The following PCSK7 variants were observed in gnomAD, a reference collection of about 807,000 sequenced individuals.
PCSK7 encodes the protein lymphoma proprotein convertase.
PCSK7 carries 38 observed loss-of-function variants against 73.3 expected under a neutral mutation model. That is an observed-to-expected ratio of 0.52 (90% CI 0.40 to 0.68). PCSK7 has a LOEUF of 0.68. Among genes scored for constraint, PCSK7 ranks in the 30% least tolerant of loss-of-function variants. The probability of loss-of-function intolerance (pLI) is 0.00; values close to 1 mark genes in which losing one functional copy is unlikely to be tolerated. For synonymous variants in PCSK7, 296 were observed against 383.8 expected, an observed-to-expected ratio of 0.77 and a Z score of 2.68; for missense variants, 692 against 991.5, an observed-to-expected ratio of 0.70 and a Z score of 4.06.
chr11:117,219,505 T>G (rs1254053370), intron 10 of PCSK7, 86 bp downstream of exon 10: 5 of 1,247,036 alleles, frequency 4.0e-6, no homozygotes. Context: ...ATCTAACATT[T>G]GGGACATTGA....
chr11:117,204,413 C>T lies in PCSK7; in HGVS notation c.*1584G>A, dbSNP rs1325266963. The T allele has an allele frequency of 6.2e-7, 1 of 1,612,524 alleles. No homozygotes were observed. Among genetic ancestry groups the T allele is most frequent in the Non-Finnish European group, 8.5e-7 (1 of 1,179,146 alleles). On this transcript the variant is annotated 3_prime_UTR_variant, in exon 17 of 17. Coordinates refer to ENST00000320934, the MANE Select transcript of PCSK7 (RefSeq NM_004716.4). ...CCTCCCCCAGCTCCTTGGCTGCAGCCATCCCGCTTAGCCTGCCTCACCCAC... is the reference window on the plus strand; with the variant it reads ...CCTCCCCCAGCTCCTTGGCTGCAGCTATCCCGCTTAGCCTGCCTCACCCAC...
rs1052524158 is a variant in PCSK7 at position 117,218,847 on chromosome 11, A to C, written c.1431+210T>G. Reference sequence around the variant, plus strand: ...CACATACTCAGGTCCCATTTACTCTATTAGTAGTTTGGAAACTTCAGTGAT... The same window carrying C: ...CACATACTCAGGTCCCATTTACTCTCTTAGTAGTTTGGAAACTTCAGTGAT... On this transcript the variant is annotated intron_variant, in intron 11 of 16. Coordinates refer to ENST00000320934, the MANE Select transcript of PCSK7 (RefSeq NM_004716.4). The surrounding 1 kb of genome is among the most constrained non-coding windows in gnomAD (Gnocchi z 4.0). 2 of 584,820 alleles carry C rather than the reference A, an allele frequency of 3.4e-6. No homozygotes were observed. The highest frequency in any genetic ancestry group is 5.6e-5 in the East Asian group (2 of 35,696). The allele number at this position is 584,820 out of a possible 1,614,324, so 36.2% of individuals were successfully genotyped here. A position where few individuals can be genotyped will look rare whatever the true frequency, so the allele number is the denominator to read the frequency against.
Position 117,227,214 on chromosome 11 carries a change from C to T in PCSK7, c.712G>A (p.Ala238Thr). The T allele has an allele frequency of 6.2e-7, 1 of 1,612,600 alleles. No homozygotes were observed. The highest frequency in any genetic ancestry group is 8.5e-7 in the Non-Finnish European group (1 of 1,179,468). Residue 238 changes from alanine (A) to threonine (T), a missense_variant, in exon 5 of 17, where the codon GCT (alanine) becomes ACT (threonine). Around this residue, in one of 6 missense-constraint regions of PCSK7, gnomAD observed 574 missense variants for 689.8 expected, o/e 0.83. Transcript: ENST00000320934. ...HGTRCAGEIA[A>T]VPNNSFCAVG... ...GCACAGAAGCTGTTGTTGGGCACAG[C>T]CGCGATCTCTCCTGCACATCGCGTG...
In PCSK7 at chr11:117,219,692, C is replaced by T; in HGVS notation, c.1222G>A (p.Ala408Thr). 6.2e-7 allele frequency: 1 copy of T among 1,611,798 alleles called. No individual in the cohort carries two copies. Among genetic ancestry groups the T allele is most frequent in the South Asian group, 1.1e-5 (1 of 90,822 alleles). The stretch of plus-strand genomic sequence containing the variant: ...ATCATGCCAGCTGCCAGAGGCGCTG[C>T]AGCTGAGGTCCCTGTGTGGCCCTCA... Reference protein sequence around the residue: ...CTEGHTGTSAAAPLAAGMIAL... With the variant: ...CTEGHTGTSATAPLAAGMIAL... The change falls in exon 10 of 17, where the codon GCA (alanine) becomes ACA (threonine). Residue 408 changes from alanine (A) to threonine (T), a missense_variant. Physicochemically the swap from Ala to Thr is moderately conservative, Grantham distance 58 (BLOSUM62 0). Coordinates refer to ENST00000320934, the MANE Select transcript of PCSK7 (RefSeq NM_004716.4).
At chr11:117,213,748 A>T (rs1422572880) in intron 12 of PCSK7, 1 of 152,190 alleles carries the variant, frequency 6.6e-6, no homozygotes, top group Non-Finnish European at 1.5e-5. Flanking sequence ...CTTGGGTGGC[A>T]GTGCAAATGA....
At chr11:117,230,952 T>C (rs1200178518) in intron 1 of PCSK7, among the ~76,000 whole-genome samples, 1 of 151,754 alleles carries the variant, frequency 6.6e-6, no homozygotes, top group African/African-American at 2.4e-5. Flanking sequence ...CAGCTACTCC[T>C]GTACTGAGCT....
chr11:117,214,156 A>C (rs2031861729), intron 12 of PCSK7: 1 of 151,556 alleles, frequency 6.6e-6, no homozygotes, highest in South Asian at 2.1e-4. Flanking sequence ...ACGGGGTTTC[A>C]CCATGTTGGC....
rs2032568097 is a variant in PCSK7, at chr11:117,229,687, C to T, written c.158G>A (p.Ser53Asn). The T allele has an allele frequency of 6.2e-6, 10 of 1,613,742 alleles. No homozygotes were observed. The East Asian group carries it at 2.2e-4, about 36-fold the overall frequency. ...GPDGQGTGGP[S>N]WAVHLESLEG... Reference sequence around the variant, plus strand: ...CAGGCTTTCCAGGTGCACAGCCCAGCTCGGCCCCCCTGTGCCCTGGCCATC... The same window carrying T: ...CAGGCTTTCCAGGTGCACAGCCCAGTTCGGCCCCCCTGTGCCCTGGCCATC... Residue 53 changes from serine to asparagine, a missense_variant, in exon 3 of 17, where the codon AGC (serine) becomes AAC (asparagine). Coordinates refer to ENST00000320934, the MANE Select transcript of PCSK7 (RefSeq NM_004716.4).
intron 12 of PCSK7, chr11:117,212,715 CTT>C (rs58988485): frequency 0.29 from 35,565 of 124,732 alleles, 5,216 homozygotes; most frequent in African/African-American, 0.45. Flanking sequence ...CCGGCCTTTT[CTT>C]TTTTTTTTTT....
chr11:117,215,150 A>T lies in PCSK7; in HGVS notation c.1534+3316T>A, dbSNP rs565962937. 3 of 152,196 alleles carry T rather than the reference A, an allele frequency of 2.0e-5. No homozygotes were observed. In the East Asian group the frequency reaches 5.8e-4, roughly 29 times the overall value. 9.4% of individuals were successfully genotyped at this position (152,196 alleles called of 1,614,324 possible). On this transcript the variant is annotated intron_variant, in intron 12 of 16. Transcript: ENST00000320934. ...TTAGCCACACATGGCTATCTAAATT[A>T]AAATGAAGTATAACAAAATTAAAAT...
intron 9 of PCSK7, chr11:117,220,739 G>C (rs1477467981): frequency 6.6e-6 from 1 of 152,354 alleles, no homozygotes; most frequent in African/African-American, 2.4e-5. Context: ...CGCGACAGGG[G>C]CTGGAATGAT....
intron 6 of PCSK7, 178 bp from the exon 7 acceptor site, chr11:117,224,933 AAAGTGGAAAACAG>A (rs2032355224): frequency 1.6e-6 from 1 of 616,664 alleles, no homozygotes; most frequent in African/African-American, 1.8e-5. Context: ...TCCCCTCTCC[AAAGTGGAAAACAG>A]AAGTGTGCTA....
chr11:117,224,204 G>T lies in PCSK7; in HGVS notation c.928C>A (p.His310Asn), dbSNP rs776170732. ...CCCTGGCGACCAGCAATCACCCCAT[G>T]TTGTAAGGCAGCCTGAGGAGCCAAA... ...PHQLGKAALQ[H>N]GVIAGRQGFG... The change falls in exon 8 of 17, where the codon CAT (histidine) becomes AAT (asparagine). Residue 310 changes from histidine (H) to asparagine (N), a missense_variant. Coordinates refer to ENST00000320934, the MANE Select transcript of PCSK7 (RefSeq NM_004716.4). 6 of 1,614,048 alleles carry T rather than the reference G, an allele frequency of 3.7e-6. No individual in the cohort carries two copies. In the East Asian group the frequency reaches 1.3e-4, roughly 36 times the overall value.
Position 117,229,368 on chromosome 11 carries a change from T to C in PCSK7, c.468+9A>G. 1.3e-6 allele frequency: 2 copies of C among 1,598,222 alleles called. No individual in the cohort carries two copies. The highest frequency in any genetic ancestry group is 1.7e-4 in the Middle Eastern group (1 of 6,026). ...CACCTGAAACTGCAAACTGCAGGAC[T>C]GGACTCACCAGGTGCCATTGCTGCG... On this transcript the variant is annotated intron_variant, in intron 3 of 16. Transcript: ENST00000320934.
Position 117,206,341 on chromosome 11 carries a change from C to T in PCSK7, c.2014G>A (p.Gly672Ser). The stretch of plus-strand genomic sequence containing the variant: ...ACAGTCCAGAAGACGGTGAAACAGC[C>T]TACCAGCACCAGGGTCTGGGGCCGA... Reference protein sequence around the residue: ...PNTLKTLVLVGCFTVFWTVYY... With the variant: ...PNTLKTLVLVSCFTVFWTVYY... Residue 672 changes from glycine to serine, a missense_variant, in exon 17 of 17, where the codon GGC becomes AGC. Around this residue, in one of 6 missense-constraint regions of PCSK7, gnomAD observed 78 missense variants for 102.6 expected, o/e 0.76. Transcript: ENST00000320934. The T allele has an allele frequency of 6.2e-7, 1 of 1,609,048 alleles. No individual in the cohort carries two copies.
At chr11:117,212,264 A>G (rs1034041294) in intron 12 of PCSK7, 1 of 152,142 alleles carries the variant, frequency 6.6e-6, no homozygotes, top group Admixed American at 6.6e-5. Context: ...TGGATATTTC[A>G]TGGCTTATCA....
Position 117,206,275 on chromosome 11 carries a change from C to T in PCSK7, c.2080G>A (p.Ala694Thr), listed in dbSNP as rs760903565. ...LEVYLSQRNVASNQVCRSGPC... is the reference protein window; with the variant it reads ...LEVYLSQRNVTSNQVCRSGPC... ...CCACTCCTACAAACTTGATTGGAAG[C>T]CACATTCCTCTGGCTCAAATATACT... The change falls in exon 17 of 17, where the codon GCT becomes ACT. Residue 694 changes from alanine to threonine, a missense_variant. By Grantham distance (58) the Ala-to-Thr change is moderately conservative. Transcript: ENST00000320934. 1.2e-6 allele frequency: 2 copies of T among 1,614,180 alleles called. No homozygotes were observed. Among genetic ancestry groups the T allele is most frequent in the Non-Finnish European group, 1.7e-6 (2 of 1,180,016 alleles).
At chr11:117,224,857 T>C in intron 6 of PCSK7, 102 bp from the exon 7 acceptor site, 1 of 828,516 alleles carries the variant, frequency 1.2e-6, no homozygotes, top group Non-Finnish European at 2.1e-6. Context: ...CCTGCAGCTC[T>C]TAACTCCTCC....
intron 10 of PCSK7, 25 bp downstream of exon 10, chr11:117,219,566 A>G (rs927498791): frequency 2.5e-6 from 4 of 1,608,592 alleles, no homozygotes; most frequent in Non-Finnish European, 3.4e-6. Flanking sequence ...GGGCCAGGCC[A>G]CTTGTCTACC....
Sources: gnomAD v4.1 joint callset for allele counts (sites outside exome capture counted in the v4.1 genomes callset) on GRCh38, gnomAD v4.1.1 for gene constraint, gnomAD v4.1.1 regional missense constraint, Gnocchi (gnomAD v3.1) non-coding constraint, MANE v1.5 for transcripts, NCBI Gene and HGNC (gene_info 2026-07-23, HGNC 2026-07-21) for gene names.